Variants in CLVS1 observed in about 807,000 individuals in gnomAD.
CLVS1 encodes clavesin-1.
Under a neutral mutation model 33.1 loss-of-function variants are expected in CLVS1, and 10 were observed. That is an observed-to-expected ratio of 0.30 (90% confidence interval 0.19 to 0.51). The LOEUF is 0.51. Among genes scored for constraint, CLVS1 ranks in the 20% least tolerant of loss-of-function variants. CLVS1 has a pLI of 0.97. For synonymous variants in CLVS1, 163 were observed against 166.1 expected (o/e 0.98, Z 0.14); for missense variants, 343 against 433.4 (o/e 0.79, Z 1.85).
chr8:61,012,550 G>A, the CLVS1 span, among the ~76,000 whole-genome samples: 3 of 152,206 alleles, frequency 2.0e-5, no homozygotes, highest in Admixed American at 6.5e-5. Context: ...TGTGAGTGTC[G>A]TGTTGTACTG....
the CLVS1 span, among the ~76,000 whole-genome samples, chr8:61,051,572 A>G: frequency 6.6e-6 from 1 of 152,168 alleles, no homozygotes; most frequent in African/African-American, 2.4e-5. Flanking sequence ...AGCCTGCCAA[A>G]CGAAAGGCAT....
chr8:61,258,968 A>G (rs1809142822), intron 2 of CLVS1, among the ~76,000 whole-genome samples: 1 of 152,180 alleles, frequency 6.6e-6, no homozygotes, highest in Non-Finnish European at 1.5e-5. Context: ...ATCCTAATAG[A>G]TACAAAACAT....
the CLVS1 span, among the ~76,000 whole-genome samples, chr8:61,038,471 T>C: frequency 6.8e-6 from 1 of 147,548 alleles, no homozygotes; most frequent in African/African-American, 2.6e-5. Context: ...TATATATATA[T>C]ACACGTATAT....
chr8:61,166,582 C>T (rs962110081), intron 2 of CLVS1, among the ~76,000 whole-genome samples: 1 of 151,796 alleles, frequency 6.6e-6, no homozygotes, highest in African/African-American at 2.4e-5. Context: ...TTGCTTTCTC[C>T]CTTCTCTGAG....
intron 2 of CLVS1, among the ~76,000 whole-genome samples, chr8:61,139,232 G>T (rs933148763): frequency 2.0e-5 from 3 of 152,178 alleles, no homozygotes; most frequent in Non-Finnish European, 4.4e-5. Context: ...AGACACGAAC[G>T]AGGGAGCGCC....
chr8:61,059,810 CAA>C (rs71559323), intron 1 of CLVS1, among the ~76,000 whole-genome samples: 2 of 142,184 alleles, frequency 1.4e-5, no homozygotes, highest in Non-Finnish European at 1.5e-5. Context: ...AACTCCATCT[CAA>C]AAAAAAAAAA....
intron 5 of CLVS1, among the ~76,000 whole-genome samples, chr8:61,461,323 C>G (rs570015683): frequency 1.4e-3 from 213 of 152,274 alleles, no homozygotes; most frequent in African/African-American, 4.9e-3. Context: ...AATGTTTTTA[C>G]TCAACCTTCA....
At chr8:61,491,143 ATTAAC>A (rs1454701849) in intron 5 of CLVS1, among the ~76,000 whole-genome samples, 19 of 152,216 alleles carry the variant, frequency 1.2e-4, no homozygotes, top group Admixed American at 3.9e-4. Context: ...ATTTGAACAA[ATTAAC>A]TTAAAGTGTG....
At chr8:61,383,069 A>G (rs997836663) in intron 3 of CLVS1, among the ~76,000 whole-genome samples, 39 of 152,182 alleles carry the variant, frequency 2.6e-4, no homozygotes, top group African/African-American at 8.9e-4. Context: ...TTTAAATGAA[A>G]TCACTCTCAA....
chr8:61,009,975 C>G, the CLVS1 span, among the ~76,000 whole-genome samples: 1 of 152,188 alleles, frequency 6.6e-6, no homozygotes, highest in Non-Finnish European at 1.5e-5. Context: ...GATATTATTA[C>G]CATTGAGCTG....
chr8:60,983,812 A>G, the CLVS1 span, among the ~76,000 whole-genome samples: 7 of 152,204 alleles, frequency 4.6e-5, no homozygotes, highest in Admixed American at 2.6e-4. Context: ...CTGGCAGTTC[A>G]TCTCTGCCTG....
At chr8:61,362,893 G>A (rs1189824221) in intron 2 of CLVS1, among the ~76,000 whole-genome samples, 1 of 152,154 alleles carries the variant, frequency 6.6e-6, no homozygotes, top group Non-Finnish European at 1.5e-5. Flanking sequence ...ATGTAGGTGG[G>A]TAAGTAAGAC....
the CLVS1 span, among the ~76,000 whole-genome samples, chr8:61,051,348 G>T: frequency 6.6e-6 from 1 of 152,232 alleles, no homozygotes; most frequent in East Asian, 1.9e-4. Flanking sequence ...GGTTGCTAAG[G>T]CACCTCTAAA....
At chr8:61,047,143 G>A in the CLVS1 span, among the ~76,000 whole-genome samples, 14 of 152,094 alleles carry the variant, frequency 9.2e-5, no homozygotes, top group Non-Finnish European at 1.5e-4. Context: ...AAAAGTGGGC[G>A]AAGGACATGA....
intron 4 of CLVS1, among the ~76,000 whole-genome samples, chr8:61,455,951 A>G (rs1817140170): frequency 6.6e-6 from 1 of 152,184 alleles, no homozygotes; most frequent in South Asian, 2.1e-4. Context: ...AGGAATTAGA[A>G]CTCACTGGGA....
chr8:61,058,150 C>A (rs1804513736), intron 1 of CLVS1, among the ~76,000 whole-genome samples: 1 of 152,172 alleles, frequency 6.6e-6, no homozygotes, highest in Non-Finnish European at 1.5e-5. Context: ...AGTGGGGCAT[C>A]CTGCTGGTGA....
chr8:61,056,024 G>C (rs748993978), upstream of CLVS1, among the ~76,000 whole-genome samples: 12 of 152,230 alleles, frequency 7.9e-5, 1 homozygote, highest in Non-Finnish European at 1.6e-4. Context: ...GCTTTATGGT[G>C]CACACTTGGG....
At chr8:61,411,487 A>C (rs1198079713) in intron 3 of CLVS1, among the ~76,000 whole-genome samples, 1 of 152,160 alleles carries the variant, frequency 6.6e-6, no homozygotes. Context: ...GAGAGAGAGA[A>C]GGGGGATAAG....
intron 5 of CLVS1, among the ~76,000 whole-genome samples, chr8:61,498,915 C>T (rs17789756): frequency 0.28 from 43,190 of 151,938 alleles, 7,435 homozygotes; most frequent in Non-Finnish European, 0.38. Flanking sequence ...CTCTGAGAGA[C>T]AAAAGGTTTA....
Sources: gnomAD v4.1 joint callset for allele counts (sites outside exome capture counted in the v4.1 genomes callset) on GRCh38, gnomAD v4.1.1 for gene constraint, MANE v1.5 for transcripts, NCBI Gene and HGNC (gene_info 2026-07-23, HGNC 2026-07-21) for gene names.